The following PRKD1 variants were observed in gnomAD, a reference collection of about 807,000 sequenced individuals.
PRKD1 encodes protein kinase D1, also known as serine/threonine-protein kinase D1.
Under a neutral mutation model 95.9 loss-of-function variants are expected in PRKD1, and 63 were observed. The observed-to-expected ratio is 0.66, with a 90% CI of 0.54 to 0.81. The LOEUF is 0.81. Among genes scored for constraint, PRKD1 ranks in the 30% least tolerant of loss-of-function variants. The pLI is 0.00. For synonymous variants in PRKD1, 425 were observed against 423.1 expected, an observed-to-expected ratio of 1.00 and a Z score of -0.05; for missense variants, 1,048 against 1,165.3, an observed-to-expected ratio of 0.90 and a Z score of 1.47.
intron 1 of PRKD1, 109 bp downstream of exon 1, chr14:29,927,140 G>C (rs1021986082): frequency 8.5e-5 from 101 of 1,185,984 alleles, no homozygotes; most frequent in Non-Finnish European, 1.0e-4. Flanking sequence ...GGCGAGGCTG[G>C]CGGCCAGCCG....
intron 1 of PRKD1, among the ~76,000 whole-genome samples, chr14:29,898,468 C>G (rs1047800572): frequency 6.6e-6 from 1 of 152,090 alleles, no homozygotes; most frequent in Non-Finnish European, 1.5e-5. Flanking sequence ...AATAAAGATA[C>G]ATTACAAAAC....
intron 16 of PRKD1, among the ~76,000 whole-genome samples, chr14:29,588,614 A>C (rs768443072): frequency 3.9e-5 from 6 of 152,172 alleles, no homozygotes; most frequent in South Asian, 2.1e-4. Flanking sequence ...CAGGAAAAAG[A>C]AGCACAAATA....
At chr14:29,594,138 G>A in intron 16 of PRKD1, 1 of 454,888 alleles carries the variant, frequency 2.2e-6, no homozygotes, top group South Asian at 1.6e-5. Context: ...AGCACCCCAA[G>A]ATATAGGTAT....
chr14:29,773,304 A>G (rs781133963), intron 1 of PRKD1, among the ~76,000 whole-genome samples: 8 of 152,086 alleles, frequency 5.3e-5, no homozygotes, highest in Non-Finnish European at 1.0e-4. Context: ...TACTAAAAAT[A>G]CAAAAATTAG....
chr14:29,862,323 A>C (rs1236955705), intron 1 of PRKD1, among the ~76,000 whole-genome samples: 1 of 152,164 alleles, frequency 6.6e-6, no homozygotes, highest in Admixed American at 6.5e-5. Context: ...GGCTGCAAAA[A>C]ACATGGGAGA....
At chr14:29,771,009 T>C (rs879610660) in intron 1 of PRKD1, among the ~76,000 whole-genome samples, 5 of 150,608 alleles carry the variant, frequency 3.3e-5, no homozygotes, top group Non-Finnish European at 5.9e-5. Context: ...AAACAAAGTG[T>C]TGAGGGTACA....
intron 16 of PRKD1, among the ~76,000 whole-genome samples, chr14:29,583,813 TC>T (rs1892825938): frequency 6.6e-6 from 1 of 152,138 alleles, no homozygotes; most frequent in Admixed American, 6.6e-5. Context: ...ACAATAATGT[TC>T]CCTACAAATT....
chr14:29,722,863 C>T (rs560748349), intron 2 of PRKD1, among the ~76,000 whole-genome samples: 3 of 152,062 alleles, frequency 2.0e-5, no homozygotes, highest in African/African-American at 2.4e-5. Flanking sequence ...TATAATAAGT[C>T]GCATGCTATG....
intron 1 of PRKD1, among the ~76,000 whole-genome samples, chr14:29,905,115 G>A (rs1252210117): frequency 1.3e-5 from 2 of 152,162 alleles, no homozygotes; most frequent in Non-Finnish European, 2.9e-5. Context: ...CATGCTACAG[G>A]CTGAAATGAG....
At chr14:29,793,053 C>T (rs886191539) in intron 1 of PRKD1, among the ~76,000 whole-genome samples, 1 of 151,936 alleles carries the variant, frequency 6.6e-6, no homozygotes, top group Non-Finnish European at 1.5e-5. Context: ...GAAAAAATGA[C>T]AATCTGCAGA....
intron 1 of PRKD1, among the ~76,000 whole-genome samples, chr14:29,872,439 G>T (rs148901000): frequency 6.6e-6 from 1 of 152,004 alleles, no homozygotes; most frequent in Non-Finnish European, 1.5e-5. Context: ...AAGGTGGGTG[G>T]ATCACGAGTC....
chr14:29,883,666 A>T (rs1893595372), intron 1 of PRKD1, among the ~76,000 whole-genome samples: 1 of 152,210 alleles, frequency 6.6e-6, no homozygotes, highest in Admixed American at 6.5e-5. Context: ...CTTGATGGAC[A>T]TATCACCAAA....
intron 1 of PRKD1, among the ~76,000 whole-genome samples, chr14:29,905,700 G>A (rs561028089): frequency 6.6e-6 from 1 of 152,284 alleles, no homozygotes; most frequent in East Asian, 1.9e-4. Flanking sequence ...CAAGGGCTGG[G>A]AGAAGCCCTC....
At chr14:29,681,347 G>A (rs1237474314) in intron 2 of PRKD1, among the ~76,000 whole-genome samples, 3 of 152,048 alleles carry the variant, frequency 2.0e-5, no homozygotes. Context: ...TCATGAAAAT[G>A]AGAATATGTG....
At chr14:29,782,733 T>C (rs538441855) in intron 1 of PRKD1, among the ~76,000 whole-genome samples, 31 of 151,830 alleles carry the variant, frequency 2.0e-4, no homozygotes, top group Non-Finnish European at 3.4e-4. Flanking sequence ...TTGGTTGAGA[T>C]GGGGTTTTGC....
intron 1 of PRKD1, among the ~76,000 whole-genome samples, chr14:29,845,578 T>C (rs1892047795): frequency 6.6e-6 from 1 of 152,158 alleles, no homozygotes; most frequent in Non-Finnish European, 1.5e-5. Context: ...GCATATAATT[T>C]TAATAGTCTG....
At chr14:29,739,769 G>A (rs756595222) in intron 1 of PRKD1, among the ~76,000 whole-genome samples, 4 of 152,114 alleles carry the variant, frequency 2.6e-5, no homozygotes, top group Non-Finnish European at 5.9e-5. Context: ...AGTCTAATAA[G>A]CTACAGGTTT....
intron 1 of PRKD1, among the ~76,000 whole-genome samples, chr14:29,898,153 C>T (rs1894197532): frequency 6.6e-6 from 1 of 151,952 alleles, no homozygotes; most frequent in Non-Finnish European, 1.5e-5. Flanking sequence ...AGTGGTATAT[C>T]CCTCTTTTCA....
intron 1 of PRKD1, among the ~76,000 whole-genome samples, chr14:29,862,592 C>T (rs1201436673): frequency 6.6e-6 from 1 of 152,144 alleles, no homozygotes; most frequent in Non-Finnish European, 1.5e-5. Flanking sequence ...TGATATCTCA[C>T]TGTAGTTTGC....
Sources: allele counts gnomAD v4.1 joint callset (sites outside exome capture counted in the v4.1 genomes callset), GRCh38; gene constraint gnomAD v4.1.1; transcripts MANE v1.5; gene names NCBI Gene and HGNC (gene_info 2026-07-23, HGNC 2026-07-21).